Variants in TENM1 observed in about 807,000 individuals in gnomAD.
TENM1 encodes teneurin-1.
In TENM1, 35 loss-of-function variants were observed where a neutral mutation model predicts 174.8. The ratio of observed to expected loss-of-function variants is 0.20; its 90% CI spans 0.15 to 0.27. The LOEUF is 0.27. Among genes scored for constraint, TENM1 ranks in the 10% least tolerant of loss-of-function variants. The pLI, the probability that TENM1 is intolerant of heterozygous loss-of-function variation, is 1.00. For synonymous variants in TENM1, 781 were observed against 798.7 expected (o/e 0.98, Z 0.37); for missense variants, 1,633 against 2,130.1 (o/e 0.77, Z 4.59).
chrX:124,653,798 A>G lies in TENM1; in HGVS notation c.1169-15T>C. On this transcript the variant is annotated splice_polypyrimidine_tract_variant and intron_variant, in intron 6 of 31. Coordinates refer to ENST00000422452, the Ensembl canonical transcript of TENM1. The stretch of plus-strand genomic sequence containing the variant: ...CTTCTGAAACACTAGTTTTAAAGGT[A>G]GAGAAAATTACACACCATGTTAATC... 1.7e-6 allele frequency: 2 copies of G among 1,162,399 alleles called. No individual in the cohort carries two copies. The highest frequency in any genetic ancestry group is 2.3e-6 in the Non-Finnish European group (2 of 853,778).
chrX:125,059,958 G>A, the TENM1 span, among the ~76,000 whole-genome samples: 2 of 108,514 alleles, frequency 1.8e-5, no homozygotes, highest in Admixed American at 2.0e-4. Context: ...CTTCCATAAT[G>A]CCTTCAATTG....
At chrX:125,058,321 T>C in the TENM1 span, among the ~76,000 whole-genome samples, 1 of 112,050 alleles carries the variant, frequency 8.9e-6, no homozygotes, top group Non-Finnish European at 1.9e-5. Context: ...TCTGATAATA[T>C]CCAGTGTTAA....
chrX:124,530,074 T>G, intron 15 of TENM1, 91 bp from the exon 19 acceptor site: 2 of 1,011,631 alleles, frequency 2.0e-6, no homozygotes, highest in Non-Finnish European at 2.7e-6. Flanking sequence ...CAGTCAAGTA[T>G]AACAAAGAAA....
In TENM1 at chrX:124,753,282, C is replaced by T. The variant is rs772212624; in HGVS notation, c.536-16085G>A. 7.3e-5 allele frequency among the ~76,000 whole-genome samples: 8 copies of T among 109,717 alleles called. No individual in the cohort carries two copies. The South Asian group carries it at 2.8e-3, about 39-fold the overall frequency. On this transcript the variant is annotated intron_variant, in intron 3 of 31. Transcript: ENST00000422452. ...ATGGGAGTTCACTCATGATTTGGCT[C>T]TCTGTTTGTCTGTTACTGGTGTATA...
intron 22 of TENM1, among the ~76,000 whole-genome samples, chrX:124,471,782 GTAATATA>G (rs1195417952): frequency 2.1e-5 from 2 of 94,867 alleles, no homozygotes; most frequent in Admixed American, 1.3e-4. Context: ...ACAATATAGA[GTAATATA>G]TAATATATAA....
intron 4 of TENM1, among the ~76,000 whole-genome samples, chrX:124,717,506 T>A (rs1394780996): frequency 1.8e-5 from 2 of 111,363 alleles, no homozygotes; most frequent in African/African-American, 3.3e-5. Context: ...AGAAATCCCA[T>A]CTAGAGTGAA....
chrX:124,525,425 G>T (rs1441364060), intron 16 of TENM1, among the ~76,000 whole-genome samples: 1 of 112,043 alleles, frequency 8.9e-6, no homozygotes, highest in African/African-American at 3.2e-5. Flanking sequence ...CTTTCCTCTA[G>T]TTCACCTTCT....
At chrX:124,623,932 C>T (rs1210990787) in intron 11 of TENM1, among the ~76,000 whole-genome samples, 9 of 111,705 alleles carry the variant, frequency 8.1e-5, no homozygotes, top group Non-Finnish European at 1.9e-5. Flanking sequence ...GCCTGATGCT[C>T]ATTCATTGAT....
chrX:124,631,888 CAAA>C (rs1207149583), intron 11 of TENM1, among the ~76,000 whole-genome samples: 3 of 29,685 alleles, frequency 1.0e-4, no homozygotes, highest in Admixed American at 8.4e-4. Flanking sequence ...GACTCTGTCT[CAAA>C]AAAAAAAAAA....
intron 1 of TENM1, among the ~76,000 whole-genome samples, chrX:124,934,079 T>C (rs1253220632): frequency 1.8e-5 from 2 of 112,283 alleles, no homozygotes; most frequent in African/African-American, 6.5e-5. Flanking sequence ...ATATTTTCAA[T>C]GAAATTTGGG....
chrX:124,889,768 T>A (rs772179152), intron 3 of TENM1, among the ~76,000 whole-genome samples: 1 of 111,906 alleles, frequency 8.9e-6, no homozygotes, highest in South Asian at 3.8e-4. Context: ...GTATTACAAC[T>A]GATCATATTT....
chrX:125,143,887 T>C, the TENM1 span, among the ~76,000 whole-genome samples: 2 of 112,082 alleles, frequency 1.8e-5, no homozygotes. Flanking sequence ...TATTTTTTCA[T>C]AGATGTCCCT....
At chrX:124,893,416 T>A (rs1379867662) in intron 3 of TENM1, among the ~76,000 whole-genome samples, 1 of 112,842 alleles carries the variant, frequency 8.9e-6, no homozygotes. Context: ...AGAGTGGTCA[T>A]AAGGATGAAA....
chrX:124,758,841 C>T (rs2054334213), intron 3 of TENM1, among the ~76,000 whole-genome samples: 1 of 111,476 alleles, frequency 9.0e-6, no homozygotes, highest in South Asian at 3.8e-4. Flanking sequence ...TAGTCAAACT[C>T]TTAGAAAGTA....
At chrX:124,525,611 T>A (rs2047957445) in intron 16 of TENM1, among the ~76,000 whole-genome samples, 1 of 111,454 alleles carries the variant, frequency 9.0e-6, no homozygotes, top group Admixed American at 9.5e-5. Context: ...TCTCTCTTTT[T>A]AAAAAAAAAC....
At chrX:124,865,866 A>G (rs2056993482) in intron 3 of TENM1, among the ~76,000 whole-genome samples, 1 of 112,226 alleles carries the variant, frequency 8.9e-6, no homozygotes, top group African/African-American at 3.2e-5. Flanking sequence ...TGCGATACTT[A>G]TATCAGACAA....
chrX:124,625,793 G>C (rs1400999756), intron 11 of TENM1, among the ~76,000 whole-genome samples: 1 of 110,601 alleles, frequency 9.0e-6, no homozygotes, highest in East Asian at 2.8e-4. Context: ...GCAGCATCAA[G>C]GGGATCATGC....
chrX:125,012,546 A>G, the TENM1 span, among the ~76,000 whole-genome samples: 1 of 111,663 alleles, frequency 9.0e-6, no homozygotes, highest in Admixed American at 9.5e-5. Flanking sequence ...TAATCAAACC[A>G]CCATACCCAG....
chrX:124,586,532 C>G (rs139032750), intron 11 of TENM1, among the ~76,000 whole-genome samples: 2,439 of 110,894 alleles, frequency 0.022, 72 homozygotes, highest in African/African-American at 0.075. Context: ...TTGATGGGAC[C>G]TATCTCAAAA....
Sources: gnomAD v4.1 joint callset for allele counts (sites outside exome capture counted in the v4.1 genomes callset) on GRCh38, gnomAD v4.1.1 for gene constraint, MANE v1.5 for transcripts, NCBI Gene and HGNC (gene_info 2026-07-23, HGNC 2026-07-21) for gene names.